Variants in DECR1 observed in about 807,000 individuals in gnomAD.
DECR1 encodes the protein 2,4-dienoyl-CoA reductase 1, also known as 2,4-dienoyl-CoA reductase [(3E)-enoyl-CoA-producing], mitochondrial.
Under a neutral mutation model 38.8 loss-of-function variants are expected in DECR1, and 44 were observed. The ratio of observed to expected loss-of-function variants is 1.13; its 90% CI spans 0.89 to 1.46. DECR1 has a LOEUF of 1.46. Ranked by LOEUF, DECR1 falls within the 40% of genes most tolerant of loss-of-function variation. The pLI is 0.00. For synonymous variants in DECR1, 148 were observed against 135.2 expected, an observed-to-expected ratio of 1.09 and a Z score of -0.66; for missense variants, 428 against 405.5, an observed-to-expected ratio of 1.06 and a Z score of -0.48.
Position 90,019,167 on chromosome 8 carries a change from C to G in DECR1, c.412C>G (p.Pro138Ala), listed in dbSNP as rs1365814328. 1 of 1,613,562 alleles carries G rather than the reference C, an allele frequency of 6.2e-7. No individual in the cohort carries two copies. Among genetic ancestry groups the G allele is most frequent in the East Asian group, 2.2e-5 (1 of 44,884 alleles). Residue 138 changes from proline to alanine, a missense_variant, in exon 4 of 10, where the codon CCT becomes GCT. Coordinates refer to ENST00000220764, the MANE Select transcript of DECR1 (RefSeq NM_001359.2). ...VSELIKVAGH[P>A]NIVINNAAGN... ...AGAACTGATCAAAGTTGCAGGACATCCTAATGTAAGTGTAGCAATGATGAA... is the reference window on the plus strand; with the variant it reads ...AGAACTGATCAAAGTTGCAGGACATGCTAATGTAAGTGTAGCAATGATGAA...
chr8:90,048,664 T>G (rs868254078), intron 8 of DECR1, among the ~76,000 whole-genome samples: 127 of 151,978 alleles, frequency 8.4e-4, no homozygotes, highest in African/African-American at 2.6e-3. Context: ...GAAAAAGAGG[T>G]AATCCTCCCT....
chr8:90,012,908 G>A lies in DECR1; in HGVS notation c.70-4216G>A, dbSNP rs1805863. 4.0e-3 allele frequency among the ~76,000 whole-genome samples: 612 copies of A among 152,290 alleles called. 8 individuals are homozygous for A. The highest frequency in any genetic ancestry group is 0.013 in the African/African-American group (547 of 41,546). ...TTGAGAAAGACAGTGGGTGGTTCAG[G>A]CCAATGAGAAAGCAGGAGCAAAGGC... On this transcript the variant is annotated intron_variant, in intron 1 of 9. Transcript: ENST00000220764.
chr8:90,050,256 GAAA>G, intron 8 of DECR1, among the ~76,000 whole-genome samples: 1 of 152,174 alleles, frequency 6.6e-6, no homozygotes, highest in Non-Finnish European at 1.5e-5. Context: ...CAGAATGGGA[GAAA>G]ATGTTTACAA....
intron 4 of DECR1, among the ~76,000 whole-genome samples, chr8:90,019,942 A>C (rs995377083): frequency 6.6e-6 from 1 of 152,224 alleles, no homozygotes; most frequent in Non-Finnish European, 1.5e-5. Flanking sequence ...GCAGTTATCC[A>C]AGAGTACAGC....
Position 90,017,160 on chromosome 8 carries a change from A to T in DECR1, c.106A>T (p.Thr36Ser). Residue 36 changes from threonine to serine, a missense_variant, in exon 2 of 10, where the codon ACT becomes TCT. By Grantham distance (58) the Thr-to-Ser change is moderately conservative. Transcript: ENST00000220764. ...TGGGACAAAAATATTATATCAAAAC[A>T]CTGAAGCTTTGCAATCTAAATTCTT... Reference protein sequence around the residue: ...SYGTKILYQNTEALQSKFFSP... With the variant: ...SYGTKILYQNSEALQSKFFSP... 3 of 1,614,046 alleles carry T rather than the reference A, an allele frequency of 1.9e-6. No homozygotes were observed. Among genetic ancestry groups the T allele is most frequent in the South Asian group, 1.1e-5 (1 of 91,080 alleles).
At chr8:90,019,819 G>A (rs1306093267) in intron 4 of DECR1, among the ~76,000 whole-genome samples, 1 of 152,210 alleles carries the variant, frequency 6.6e-6, no homozygotes, top group Non-Finnish European at 1.5e-5. Context: ...AAAGAACAGA[G>A]TAGGAAGACT....
In DECR1 at chr8:90,052,962, T is replaced by C. The variant is rs1814133172; in HGVS notation, c.*1065T>C. 6.6e-6 allele frequency among the ~76,000 whole-genome samples: 1 copy of C among 152,164 alleles called. No individual in the cohort carries two copies. The highest frequency in any genetic ancestry group is 6.5e-5 in the Admixed American group (1 of 15,280). On this transcript the variant is annotated 3_prime_UTR_variant, in exon 10 of 10. Transcript: ENST00000220764. ...AGCCCATGGAAACCCCAATTAACAT[T>C]GACAGTTAATTGTGTACATAAATTA...
At chr8:90,040,071 T>G (rs997684988) in intron 6 of DECR1, among the ~76,000 whole-genome samples, 1 of 152,222 alleles carries the variant, frequency 6.6e-6, no homozygotes, top group African/African-American at 2.4e-5. Context: ...TGAACAAATG[T>G]ATCTGGCACA....
In DECR1 at chr8:90,019,146, C is replaced by T. The variant is rs773153749; in HGVS notation, c.391C>T (p.Leu131=). 3.1e-6 allele frequency: 5 copies of T among 1,614,122 alleles called. No individual in the cohort carries two copies. The East Asian group carries it at 8.9e-5, about 29-fold the overall frequency. Reference sequence around the variant, plus strand: ...TATGGTTCAAAACACTGTGTCAGAACTGATCAAAGTTGCAGGACATCCTAA... The same window carrying T: ...TATGGTTCAAAACACTGTGTCAGAATTGATCAAAGTTGCAGGACATCCTAA... ...PDMVQNTVSE[L]IKVAGHPNIV... is the part of the protein sequence containing the mutation. The change falls in exon 4 of 10, where the codon CTG becomes TTG. Residue 131 remains leucine (L), a synonymous_variant. Coordinates refer to ENST00000220764, the MANE Select transcript of DECR1 (RefSeq NM_001359.2).
chr8:90,019,270 G>C (rs1255325267), intron 4 of DECR1, 98 bp downstream of exon 4: 1 of 1,022,584 alleles, frequency 9.8e-7, no homozygotes, highest in African/African-American at 1.6e-5. Flanking sequence ...ACTGATGTAG[G>C]ACAGGCAAGC....
chr8:90,021,723 A>G (rs1033714709), intron 5 of DECR1, among the ~76,000 whole-genome samples: 2 of 152,174 alleles, frequency 1.3e-5, no homozygotes, highest in Non-Finnish European at 2.9e-5. Context: ...AGTAGAAGAC[A>G]TTTAGAAGAC....
At chr8:90,013,634 G>T (rs567636463) in intron 1 of DECR1, among the ~76,000 whole-genome samples, 2 of 152,012 alleles carry the variant, frequency 1.3e-5, no homozygotes, top group Non-Finnish European at 1.5e-5. Context: ...CCAAGTGTTG[G>T]TAGAGCTTCT....
intron 2 of DECR1, among the ~76,000 whole-genome samples, chr8:90,017,758 A>G (rs1668294610): frequency 6.6e-6 from 1 of 152,246 alleles, no homozygotes; most frequent in Non-Finnish European, 1.5e-5. Context: ...CCTTGTCTCA[A>G]AAGAAACATT....
chr8:90,034,755 T>C (rs1813578944), intron 5 of DECR1, among the ~76,000 whole-genome samples: 1 of 152,146 alleles, frequency 6.6e-6, no homozygotes, highest in Admixed American at 6.6e-5. Flanking sequence ...CCTGGCCTTA[T>C]TCAGTTAATT....
intron 1 of DECR1, among the ~76,000 whole-genome samples, chr8:90,010,459 G>A (rs1299720235): frequency 6.6e-6 from 1 of 152,230 alleles, no homozygotes. Context: ...TGGAAAGAAT[G>A]CACGCATGGC....
rs367680497 is a variant in DECR1, at chr8:90,050,146, G to A, written c.886-1531G>A. Among the ~76,000 whole-genome samples, 4 of 152,110 alleles carry A rather than the reference G, an allele frequency of 2.6e-5. No homozygotes were observed. The South Asian group carries it at 6.2e-4, about 24-fold the overall frequency. On this transcript the variant is annotated intron_variant, in intron 8 of 9. Transcript: ENST00000220764. ...GGACTTCATGACTAAAACACCAAAA[G>A]CAATGGCCACAAAAGCCAAAATAGA...
At chr8:90,013,414 T>G in intron 1 of DECR1, among the ~76,000 whole-genome samples, 2 of 145,326 alleles carry the variant, frequency 1.4e-5, no homozygotes, top group African/African-American at 5.3e-5. Context: ...TTTTTTTTTT[T>G]TTTTTTTTGT....
In DECR1 at chr8:90,017,320, C is replaced by T. The variant is rs1323105769; in HGVS notation, c.266C>T (p.Ala89Val). 1 of 1,613,516 alleles carries T rather than the reference C, an allele frequency of 6.2e-7. No homozygotes were observed. The highest frequency in any genetic ancestry group is 1.7e-5 in the Admixed American group (1 of 59,914). ...AGCCTAGGTGCTCAGTGCGTGATAGCCAGCCGGTAAGTCCCTTACATCAAG... is the reference window on the plus strand; with the variant it reads ...AGCCTAGGTGCTCAGTGCGTGATAGTCAGCCGGTAAGTCCCTTACATCAAG... Reference protein sequence around the residue: ...LSSLGAQCVIASRKMDVLKAT... With the variant: ...LSSLGAQCVIVSRKMDVLKAT... The change falls in exon 2 of 10, where the codon GCC (alanine) becomes GTC (valine). Residue 89 changes from alanine (A) to valine (V), a missense_variant. Coordinates refer to ENST00000220764, the MANE Select transcript of DECR1 (RefSeq NM_001359.2).
intron 8 of DECR1, among the ~76,000 whole-genome samples, chr8:90,051,194 A>G (rs1586171688): frequency 1.3e-5 from 2 of 151,390 alleles, no homozygotes; most frequent in African/African-American, 4.9e-5. Context: ...AAAAGAAAAG[A>G]GGTTTAATTG....
Sources: gnomAD v4.1 joint callset for allele counts (sites outside exome capture counted in the v4.1 genomes callset) on GRCh38, gnomAD v4.1.1 for gene constraint, MANE v1.5 for transcripts, NCBI Gene and HGNC (gene_info 2026-07-23, HGNC 2026-07-21) for gene names.